Variants in ITFG1 observed in about 807,000 individuals in gnomAD.
The protein encoded by ITFG1 is T-cell immunomodulatory protein.
Under a neutral mutation model 81.8 loss-of-function variants are expected in ITFG1, and 34 were observed. The ratio of observed to expected loss-of-function variants is 0.42; its 90% CI spans 0.32 to 0.55. ITFG1 has a LOEUF of 0.55. Among genes scored for constraint, ITFG1 ranks in the 20% least tolerant of loss-of-function variants. The probability of loss-of-function intolerance (pLI) is 0.17; values close to 1 mark genes in which losing one functional copy is unlikely to be tolerated. For synonymous variants in ITFG1, 285 were observed against 270.6 expected (o/e 1.05, Z -0.52); for missense variants, 672 against 755.4 (o/e 0.89, Z 1.29).
Position 47,460,960 on chromosome 16 carries a change from A to G in ITFG1, c.86T>C (p.Val29Ala), listed in dbSNP as rs528915955. Residue 29 changes from valine to alanine, a missense_variant, in exon 1 of 18, where the codon GTC becomes GCC. Val to Ala is a moderately conservative substitution (Grantham distance 64). Transcript: ENST00000320640. ...GACGTTGTGCAGCGCCCGCGCTGGG[A>G]CCGGCCCGACTCCCAGTAGTGCAAG... The part of the protein sequence containing the change: ...AGLALLGVGP[V>A]PARALHNVTA... 1.9e-6 allele frequency: 3 copies of G among 1,605,028 alleles called. No homozygotes were observed. Among genetic ancestry groups the G allele is most frequent in the Admixed American group, 1.7e-5 (1 of 58,914 alleles).
Position 47,161,633 on chromosome 16 carries a change from A to T in ITFG1, c.1661+117T>A, listed in dbSNP as rs988813792. 3 of 603,846 alleles carry T rather than the reference A, an allele frequency of 5.0e-6. No homozygotes were observed. The Admixed American group carries it at 7.1e-5, about 14-fold the overall frequency. The allele number at this position is 603,846 out of a possible 1,614,324, so 37.4% of individuals were successfully genotyped here. On this transcript the variant is annotated intron_variant, in intron 16 of 17. Coordinates refer to ENST00000320640, the MANE Select transcript of ITFG1 (RefSeq NM_030790.5). ...TTTAAAGTTTGCCGTAAGCAAATTA[A>T]GGGATGGGCACTCATGGGAACACAG...
At chr16:47,186,951 T>G (rs954303257) in intron 14 of ITFG1, among the ~76,000 whole-genome samples, 1 of 152,148 alleles carries the variant, frequency 6.6e-6, no homozygotes. Flanking sequence ...ATCACAAGCA[T>G]TCTTATACAC....
At chr16:47,455,021 A>C (rs770031644) in intron 2 of ITFG1, among the ~76,000 whole-genome samples, 68 of 152,342 alleles carry the variant, frequency 4.5e-4, no homozygotes, top group South Asian at 2.1e-3. Context: ...GGAAAGTCTC[A>C]GGAATTAAGG....
At chr16:47,280,396 G>A (rs1408918684) in intron 10 of ITFG1, among the ~76,000 whole-genome samples, 1 of 152,112 alleles carries the variant, frequency 6.6e-6, no homozygotes, top group Non-Finnish European at 1.5e-5. Context: ...ATAGTAAATG[G>A]AGGAATAAAA....
intron 5 of ITFG1, among the ~76,000 whole-genome samples, chr16:47,431,948 C>T (rs1473884011): frequency 6.6e-6 from 1 of 152,184 alleles, no homozygotes; most frequent in Non-Finnish European, 1.5e-5. Context: ...CTCAAATCAG[C>T]TTTCTCCAAA....
At chr16:47,361,915 C>A (rs1301583288) in intron 8 of ITFG1, among the ~76,000 whole-genome samples, 1 of 152,160 alleles carries the variant, frequency 6.6e-6, no homozygotes, top group Non-Finnish European at 1.5e-5. Flanking sequence ...GTCTTGACCT[C>A]TTCCCTCTTA....
intron 13 of ITFG1, among the ~76,000 whole-genome samples, chr16:47,220,416 GC>G (rs1965677527): frequency 6.6e-6 from 1 of 152,236 alleles, no homozygotes; most frequent in Non-Finnish European, 1.5e-5. Flanking sequence ...TGGGTATTTA[GC>G]TAACTAACGT....
intron 6 of ITFG1, among the ~76,000 whole-genome samples, chr16:47,392,600 G>A (rs1968546492): frequency 6.6e-6 from 1 of 152,206 alleles, no homozygotes; most frequent in Admixed American, 6.5e-5. Context: ...CATTAGCTAT[G>A]TGACTTATGG....
In ITFG1 at chr16:47,184,695, C is replaced by T. The variant is rs927175701; in HGVS notation, c.1454-22031G>A. On this transcript the variant is annotated intron_variant, in intron 14 of 17. Transcript: ENST00000320640. ...AATCATGCCAAAATGTAAAGACCAT[C>T]GAGACTAGGAAGAAACTGCGTCAAC... is the stretch of plus-strand genomic sequence containing the variant. Among the ~76,000 whole-genome samples the T allele has an allele frequency of 7.5e-3, 1,142 of 152,060 alleles. 19 individuals carry two copies. The highest frequency in any genetic ancestry group is 0.026 in the African/African-American group (1,082 of 41,454).
intron 14 of ITFG1, among the ~76,000 whole-genome samples, chr16:47,184,488 A>G (rs529482143): frequency 1.6e-3 from 237 of 152,334 alleles, no homozygotes; most frequent in Admixed American, 3.4e-3. Context: ...ATTCTTAAAG[A>G]AAAGAATTTT....
At chr16:47,325,437 T>C (rs958842342) in intron 8 of ITFG1, among the ~76,000 whole-genome samples, 10 of 151,986 alleles carry the variant, frequency 6.6e-5, no homozygotes, top group South Asian at 2.1e-4. Context: ...AGCAAACACA[T>C]TGAAAAGCTA....
chr16:47,450,461 C>A, intron 5 of ITFG1: 1 of 403,464 alleles, frequency 2.5e-6, no homozygotes, highest in South Asian at 1.8e-5. Flanking sequence ...TGGCTGTAAA[C>A]CAGAAAAAGT....
intron 12 of ITFG1, among the ~76,000 whole-genome samples, chr16:47,241,149 A>T (rs946794562): frequency 2.6e-5 from 4 of 152,198 alleles, no homozygotes; most frequent in Non-Finnish European, 5.9e-5. Flanking sequence ...AGAATAACAA[A>T]TATTGTTGAA....
At chr16:47,392,899 GC>G (rs1968550311) in intron 6 of ITFG1, among the ~76,000 whole-genome samples, 1 of 152,140 alleles carries the variant, frequency 6.6e-6, no homozygotes. Flanking sequence ...AAATCACCCA[GC>G]CACAGGTTTT....
At chr16:47,438,999 C>T (rs1313643151) in intron 5 of ITFG1, among the ~76,000 whole-genome samples, 3 of 152,084 alleles carry the variant, frequency 2.0e-5, no homozygotes, top group Non-Finnish European at 4.4e-5. Flanking sequence ...AAGGACCTGA[C>T]AGAGCTGAAA....
chr16:47,432,948 G>T (rs749884176), intron 5 of ITFG1, among the ~76,000 whole-genome samples: 1 of 152,110 alleles, frequency 6.6e-6, no homozygotes, highest in Non-Finnish European at 1.5e-5. Flanking sequence ...TCCTAATTTT[G>T]CCATCAAATT....
At chr16:47,225,877 T>C (rs1965750784) in intron 13 of ITFG1, among the ~76,000 whole-genome samples, 1 of 152,050 alleles carries the variant, frequency 6.6e-6, no homozygotes, top group Admixed American at 6.6e-5. Flanking sequence ...AAGGTAACTC[T>C]AAGTATTCTG....
At chr16:47,419,922 C>A (rs1968923004) in intron 6 of ITFG1, among the ~76,000 whole-genome samples, 1 of 151,556 alleles carries the variant, frequency 6.6e-6, no homozygotes, top group Admixed American at 6.6e-5. Context: ...TCTTATTGGG[C>A]AGACTCTTTC....
intron 10 of ITFG1, among the ~76,000 whole-genome samples, chr16:47,305,524 T>C (rs1161018387): frequency 1.3e-5 from 2 of 151,980 alleles, no homozygotes; most frequent in East Asian, 3.9e-4. Context: ...CCTAAGAGAA[T>C]GAAACAGAAG....
Sources: gnomAD v4.1 joint callset for allele counts (sites outside exome capture counted in the v4.1 genomes callset) on GRCh38, gnomAD v4.1.1 for gene constraint, MANE v1.5 for transcripts, NCBI Gene and HGNC (gene_info 2026-07-23, HGNC 2026-07-21) for gene names.